RBFOX1: variants seen among roughly 807,000 people sequenced by gnomAD.
The protein encoded by RBFOX1 is RNA binding fox-1 homolog 1.
A neutral mutation model predicts 57.7 loss-of-function variants in RBFOX1; 8 were observed. The observed-to-expected ratio is 0.14, with a 90% CI of 0.08 to 0.25. The LOEUF (loss-of-function observed/expected upper bound fraction) is 0.25, where lower values mean the gene tolerates loss of function less well. Among genes scored for constraint, RBFOX1 ranks in the 10% least tolerant of loss-of-function variants. The probability of loss-of-function intolerance (pLI) is 1.00; values close to 1 mark genes in which losing one functional copy is unlikely to be tolerated. For synonymous variants in RBFOX1, 326 were observed against 222.4 expected (o/e 1.47, Z -4.15); for missense variants, 611 against 548.5 (o/e 1.11, Z -1.14).
At chr16:5,718,615 T>C (rs553012247) in intron 3 of RBFOX1, among the ~76,000 whole-genome samples, 20 of 152,322 alleles carry the variant, frequency 1.3e-4, no homozygotes, top group African/African-American at 4.6e-4. Context: ...TGTGTTAAAC[T>C]TTCTGGCCTG....
At chr16:7,617,993 C>T (rs2191129) in intron 10 of RBFOX1, among the ~76,000 whole-genome samples, 59,445 of 146,832 alleles carry the variant, frequency 0.4, 13,772 homozygotes, top group Non-Finnish European at 0.51. Context: ...TCTTTAGAAT[C>T]CATTGAGAAA....
intron 1 of RBFOX1, among the ~76,000 whole-genome samples, chr16:6,278,806 G>T (rs532059796): frequency 5.1e-4 from 77 of 152,176 alleles, no homozygotes; most frequent in South Asian, 1.5e-3. Flanking sequence ...ACTCGATATT[G>T]TTTAAAGACA....
At chr16:6,006,542 G>T (rs2094928333) in intron 4 of RBFOX1, among the ~76,000 whole-genome samples, 1 of 152,170 alleles carries the variant, frequency 6.6e-6, no homozygotes, top group Admixed American at 6.5e-5. Flanking sequence ...AGACAGAAGG[G>T]TCCTCACTGA....
chr16:5,300,545 C>A (rs2063778559), intron 1 of RBFOX1, among the ~76,000 whole-genome samples: 1 of 152,200 alleles, frequency 6.6e-6, no homozygotes, highest in South Asian at 2.1e-4. Context: ...GTCCTCATCT[C>A]TATTATTTTC....
intron 2 of RBFOX1, among the ~76,000 whole-genome samples, chr16:6,537,498 A>C (rs2096751528): frequency 6.6e-6 from 1 of 152,184 alleles, no homozygotes; most frequent in Non-Finnish European, 1.5e-5. Flanking sequence ...AGGGGCTATA[A>C]GCTTACAGAT....
intron 3 of RBFOX1, among the ~76,000 whole-genome samples, chr16:6,814,985 C>G (rs1362461608): frequency 1.3e-5 from 2 of 152,084 alleles, no homozygotes; most frequent in Non-Finnish European, 2.9e-5. Flanking sequence ...GTGGTATGGG[C>G]CGCCCAGCTG....
At chr16:6,177,111 G>T (rs1033822754) in intron 1 of RBFOX1, among the ~76,000 whole-genome samples, 2 of 151,464 alleles carry the variant, frequency 1.3e-5, no homozygotes, top group Non-Finnish European at 2.9e-5. Context: ...ATTATTTGTT[G>T]TTCCGGTGAT....
chr16:7,148,204 A>T (rs1346181568), intron 4 of RBFOX1, among the ~76,000 whole-genome samples: 1 of 152,230 alleles, frequency 6.6e-6, no homozygotes, highest in Non-Finnish European at 1.5e-5. Context: ...GGTCTGTTAG[A>T]TCAACAATTA....
intron 4 of RBFOX1, among the ~76,000 whole-genome samples, chr16:7,112,551 T>C (rs2065012766): frequency 6.6e-6 from 1 of 152,040 alleles, no homozygotes; most frequent in Non-Finnish European, 1.5e-5. Context: ...AGTCAGAACC[T>C]TTAATAGCTC....
chr16:5,455,513 T>G (rs951414851), intron 1 of RBFOX1, among the ~76,000 whole-genome samples: 2 of 152,202 alleles, frequency 1.3e-5, no homozygotes, highest in Non-Finnish European at 2.9e-5. Flanking sequence ...CAAGGAGGCC[T>G]TGGAGAATAT....
At chr16:7,600,232 G>T (rs576392970) in intron 9 of RBFOX1, among the ~76,000 whole-genome samples, 1 of 152,150 alleles carries the variant, frequency 6.6e-6, no homozygotes, top group Non-Finnish European at 1.5e-5. Context: ...CACATACTGT[G>T]TATGGCACCT....
chr16:6,293,901 GGT>G (rs1233657489), intron 1 of RBFOX1, among the ~76,000 whole-genome samples: 5 of 17,614 alleles, frequency 2.8e-4, no homozygotes, highest in African/African-American at 5.2e-4. Context: ...TGAGCGGGGG[GGT>G]GGTGGAAATA....
chr16:5,507,380 C>G (rs184486854), intron 2 of RBFOX1, among the ~76,000 whole-genome samples: 2 of 152,224 alleles, frequency 1.3e-5, no homozygotes, highest in Non-Finnish European at 2.9e-5. Context: ...TTGTTCCCCC[C>G]AGTTTCTCCA....
chr16:6,732,208 C>T (rs1170805361), intron 3 of RBFOX1, among the ~76,000 whole-genome samples: 1 of 152,210 alleles, frequency 6.6e-6, no homozygotes, highest in Non-Finnish European at 1.5e-5. Flanking sequence ...CTCACAGTTG[C>T]TGCTTCTCTG....
chr16:5,785,961 C>T (rs1006708446), intron 3 of RBFOX1, among the ~76,000 whole-genome samples: 2 of 152,200 alleles, frequency 1.3e-5, no homozygotes, highest in Non-Finnish European at 2.9e-5. Flanking sequence ...TCCCTACCTT[C>T]ATGCTCACCT....
intron 4 of RBFOX1, among the ~76,000 whole-genome samples, chr16:7,368,813 G>A (rs6500950): frequency 0.36 from 55,062 of 150,990 alleles, 11,620 homozygotes; most frequent in African/African-American, 0.59. Context: ...TAATTGGAGT[G>A]TATGTCCTTC....
chr16:6,727,164 A>C (rs2067418555), intron 3 of RBFOX1, among the ~76,000 whole-genome samples: 2 of 151,146 alleles, frequency 1.3e-5, no homozygotes, highest in Admixed American at 1.3e-4. Context: ...CAAAAGTCGC[A>C]ATTCCATAGA....
At chr16:6,208,788 T>A (rs570204015) in intron 1 of RBFOX1, among the ~76,000 whole-genome samples, 2 of 152,304 alleles carry the variant, frequency 1.3e-5, no homozygotes, top group East Asian at 3.9e-4. Context: ...ATTCCCTTCC[T>A]ATCAAGGCAA....
intron 3 of RBFOX1, among the ~76,000 whole-genome samples, chr16:5,766,351 C>G (rs2053777857): frequency 6.6e-6 from 1 of 152,052 alleles, no homozygotes; most frequent in South Asian, 2.1e-4. Flanking sequence ...CTTTGGGTAG[C>G]TGAGGTGGGT....
Sources: gnomAD v4.1 joint callset for allele counts (sites outside exome capture counted in the v4.1 genomes callset) on GRCh38, gnomAD v4.1.1 for gene constraint, MANE v1.5 for transcripts, NCBI Gene and HGNC (gene_info 2026-07-23, HGNC 2026-07-21) for gene names.